The following CD160 variants were observed in gnomAD, a reference collection of about 807,000 sequenced individuals.
CD160 encodes the protein CD160 antigen.
CD160 carries 11 observed loss-of-function variants against 19.2 expected under a neutral mutation model. The ratio of observed to expected loss-of-function variants is 0.57; its 90% CI spans 0.36 to 0.95. The LOEUF is 0.95. CD160 is among the 40% of genes least tolerant of loss of function. The probability of loss-of-function intolerance (pLI) is 0.01; values close to 1 mark genes in which losing one functional copy is unlikely to be tolerated. For missense variants in CD160, 182 were observed against 213.2 expected (o/e 0.85, Z 0.91); for synonymous variants, 75 against 81.1 (o/e 0.93, Z 0.40).
intron 4 of CD160, among the ~76,000 whole-genome samples, chr1:145,732,954 A>G (rs1416505410): frequency 6.6e-6 from 1 of 152,180 alleles, no homozygotes; most frequent in Non-Finnish European, 1.5e-5. Context: ...AAATTTTATC[A>G]CTAGGAAGCA....
intron 5 of CD160, 168 bp downstream of exon 5, chr1:145,736,302 T>C: frequency 6.5e-7 from 1 of 1,546,020 alleles, no homozygotes. Context: ...GTTTCACTGA[T>C]CCAAAGGCAC....
intron 4 of CD160, among the ~76,000 whole-genome samples, chr1:145,735,633 A>G (rs1657455451): frequency 6.6e-6 from 1 of 152,096 alleles, no homozygotes. Flanking sequence ...ACCCAGATCT[A>G]TTCCAAAAGG....
At chr1:145,738,004 G>T (rs1301248063) in intron 5 of CD160, 1 of 152,418 alleles carries the variant, frequency 6.6e-6, no homozygotes, top group Non-Finnish European at 1.5e-5. Flanking sequence ...GTAGTATTCA[G>T]TAGAATAGTA....
At chr1:145,721,010 G>C (rs1338835707) in intron 1 of CD160, among the ~76,000 whole-genome samples, 7 of 152,138 alleles carry the variant, frequency 4.6e-5, no homozygotes, top group Non-Finnish European at 1.0e-4. Flanking sequence ...CCAACTCCAC[G>C]GGCACCCTCC....
chr1:145,738,441 G>A (rs781870937), intron 5 of CD160, 45 bp from the exon 6 acceptor site: 34 of 1,285,960 alleles, frequency 2.6e-5, no homozygotes, highest in Non-Finnish European at 3.4e-5. Context: ...GTATTTTGTT[G>A]CTATTCTAAG....
intron 2 of CD160, among the ~76,000 whole-genome samples, chr1:145,725,909 A>AGG (rs1657034282): frequency 6.6e-6 from 1 of 152,194 alleles, no homozygotes; most frequent in Admixed American, 6.5e-5. Context: ...TAACTGGAAA[A>AGG]TCCAAGAGAA....
At chr1:145,728,501 CTTTTTTTTTTTTTT>C (rs59357123) in intron 3 of CD160, 101 bp downstream of exon 3, 2 of 275,764 alleles carry the variant, frequency 7.3e-6, no homozygotes, top group East Asian at 6.8e-5. Flanking sequence ...ACAAAGGACT[CTTTTTTTTTTTTTT>C]TTTTTTTTGA....
At chr1:145,723,139 G>A (rs1167188754) in intron 1 of CD160, among the ~76,000 whole-genome samples, 5 of 152,202 alleles carry the variant, frequency 3.3e-5, no homozygotes, top group African/African-American at 7.2e-5. Flanking sequence ...AACAAGGAGA[G>A]GTCAAGGCTA....
At chr1:145,734,845 G>A (rs1657418643) in intron 4 of CD160, among the ~76,000 whole-genome samples, 1 of 152,154 alleles carries the variant, frequency 6.6e-6, no homozygotes, top group Admixed American at 6.5e-5. Flanking sequence ...GGTGGCTCAC[G>A]CCTGTAATCC....
At position 145,728,411 on chromosome 1, in the gene CD160, A is replaced by G. The variant is rs1559092218; in HGVS notation, c.73+11A>G. On this transcript the variant is annotated intron_variant, in intron 3 of 5. Coordinates refer to ENST00000369288, the MANE Select transcript of CD160 (RefSeq NM_007053.4). ...ACATCCAGTCTGGTGGTGAGGATAG[A>G]CCCTAGAGCAGAGACGGCCATGGGG... 1 of 1,591,016 alleles carries G rather than the reference A, an allele frequency of 6.3e-7. No individual in the cohort carries two copies. The highest frequency in any genetic ancestry group is 1.7e-5 in the Admixed American group (1 of 59,838).
At chr1:145,731,792 A>AT (rs1657307086) in intron 4 of CD160, among the ~76,000 whole-genome samples, 1 of 152,194 alleles carries the variant, frequency 6.6e-6, no homozygotes. Context: ...TAGGTTTGAG[A>AT]TAATATGGGT....
rs1553710585 is a variant in CD160 at position 145,738,598 on chromosome 1, C to A, written c.*105C>A. 7.4e-6 allele frequency: 5 copies of A among 672,604 alleles called. No individual in the cohort carries two copies. Among genetic ancestry groups the A allele is most frequent in the Middle Eastern group, 2.7e-4 (1 of 3,678 alleles). The allele number at this position is 672,604 out of a possible 1,614,324, so 41.7% of individuals were successfully genotyped here. On this transcript the variant is annotated 3_prime_UTR_variant, in exon 6 of 6. Coordinates refer to ENST00000369288, the MANE Select transcript of CD160 (RefSeq NM_007053.4). Reference sequence around the variant, plus strand: ...AGGCACAGAGAAGAATGCAACAGGGCACAGGGGAAGAGATGCTAAATATAC... The same window carrying A: ...AGGCACAGAGAAGAATGCAACAGGGAACAGGGGAAGAGATGCTAAATATAC...
At chr1:145,721,995 GTTAGAGTCCTGCTCCCCAAC>G (rs1324246832) in intron 1 of CD160, among the ~76,000 whole-genome samples, 5 of 152,118 alleles carry the variant, frequency 3.3e-5, no homozygotes, top group African/African-American at 1.2e-4. Flanking sequence ...CATAACTTGG[GTTAGAGTCCTGCTCCCCAAC>G]TTAGGAGCTG....
At chr1:145,736,349 G>C (rs1553710204) in intron 5 of CD160, 1 of 1,418,220 alleles carries the variant, frequency 7.1e-7, no homozygotes, top group Admixed American at 2.1e-5. Flanking sequence ...TTTTCAATGG[G>C]TAGGAGGTAA....
Position 145,731,037 on chromosome 1 carries a change from C to A in CD160, c.367C>A (p.Leu123Ile). The A allele has an allele frequency of 3.1e-6, 5 of 1,614,082 alleles. No individual in the cohort carries two copies. The highest frequency in any genetic ancestry group is 3.4e-6 in the Non-Finnish European group (4 of 1,179,978). ...CAGAAGCCAGAAGTCAGGTATCCGC[C>A]TTCAGGGCCATTTTTTCTCCATTCT... ...CARSQKSGIR[L>I]QGHFFSILFT... The change falls in exon 4 of 6, where the codon CTT becomes ATT. Residue 123 changes from leucine to isoleucine, a missense_variant. Coordinates refer to ENST00000369288, the MANE Select transcript of CD160 (RefSeq NM_007053.4).
intron 2 of CD160, among the ~76,000 whole-genome samples, chr1:145,727,949 T>G (rs1173411210): frequency 1.3e-5 from 2 of 152,238 alleles, no homozygotes; most frequent in African/African-American, 2.4e-5. Context: ...ACAGCCTTTT[T>G]GGAGAGCAAT....
At chr1:145,735,030 C>T (rs1376616013) in intron 4 of CD160, among the ~76,000 whole-genome samples, 1 of 152,044 alleles carries the variant, frequency 6.6e-6, no homozygotes, top group Non-Finnish European at 1.5e-5. Flanking sequence ...TCACTTGAAC[C>T]CGGGAAGCAG....
At chr1:145,721,901 A>G (rs782179422) in intron 1 of CD160, among the ~76,000 whole-genome samples, 12 of 152,114 alleles carry the variant, frequency 7.9e-5, no homozygotes, top group Admixed American at 1.3e-4. Context: ...TACTTAGTAC[A>G]GTCGTTCTTG....
At chr1:145,727,013 C>A (rs1657075856) in intron 2 of CD160, among the ~76,000 whole-genome samples, 1 of 151,854 alleles carries the variant, frequency 6.6e-6, no homozygotes. Context: ...GTAGGAAGGG[C>A]AAGACTAGAC....
Sources: allele counts gnomAD v4.1 joint callset (sites outside exome capture counted in the v4.1 genomes callset), GRCh38; gene constraint gnomAD v4.1.1; transcripts MANE v1.5; gene names NCBI Gene and HGNC (gene_info 2026-07-23, HGNC 2026-07-21).